LRFN2: variants seen among roughly 807,000 people sequenced by gnomAD.
The protein encoded by LRFN2 is leucine rich repeat and fibronectin type III domain containing 2.
Under a neutral mutation model 37.3 loss-of-function variants are expected in LRFN2, and 18 were observed. The ratio of observed to expected loss-of-function variants is 0.48; its 90% CI spans 0.33 to 0.72. The LOEUF (loss-of-function observed/expected upper bound fraction) is 0.72. Ranked by LOEUF, LRFN2 falls within the 30% of genes least tolerant of loss-of-function variation. LRFN2 has a pLI of 0.02. For synonymous variants in LRFN2, 556 were observed against 466.6 expected (o/e 1.19, Z -2.47); for missense variants, 1,006 against 1,060.7 (o/e 0.95, Z 0.72).
chr6:40,438,030 G>A (rs931240544), intron 1 of LRFN2, among the ~76,000 whole-genome samples: 1 of 152,244 alleles, frequency 6.6e-6, no homozygotes, highest in Non-Finnish European at 1.5e-5. Flanking sequence ...GGGATCAGAA[G>A]CGAGGCTGAA....
chr6:40,492,181 G>A (rs918363597), intron 1 of LRFN2, among the ~76,000 whole-genome samples: 2 of 152,218 alleles, frequency 1.3e-5, no homozygotes, highest in Non-Finnish European at 2.9e-5. Flanking sequence ...TGGGAGGAAC[G>A]GGGAGGATGA....
At chr6:40,525,136 C>T (rs749860006) in intron 1 of LRFN2, among the ~76,000 whole-genome samples, 32 of 152,224 alleles carry the variant, frequency 2.1e-4, no homozygotes, top group Admixed American at 1.3e-4. Context: ...AGTGTCCCCA[C>T]CTGGCCCTGG....
intron 2 of LRFN2, among the ~76,000 whole-genome samples, chr6:40,430,981 T>C: frequency 6.6e-6 from 1 of 152,012 alleles, no homozygotes; most frequent in East Asian, 1.9e-4. Context: ...AAAATAGAAC[T>C]TAGGGAAGGT....
At chr6:40,485,170 A>G (rs1764924705) in intron 1 of LRFN2, among the ~76,000 whole-genome samples, 1 of 152,192 alleles carries the variant, frequency 6.6e-6, no homozygotes, top group African/African-American at 2.4e-5. Flanking sequence ...CTATCAGCCA[A>G]GTGGGTCTGT....
At chr6:40,464,556 T>C (rs1270037502) in intron 1 of LRFN2, among the ~76,000 whole-genome samples, 7 of 152,248 alleles carry the variant, frequency 4.6e-5, no homozygotes, top group Non-Finnish European at 8.8e-5. Flanking sequence ...GATAAATCTC[T>C]GTTCCTTATA....
At chr6:40,505,763 T>A (rs1441896657) in intron 1 of LRFN2, among the ~76,000 whole-genome samples, 2 of 152,164 alleles carry the variant, frequency 1.3e-5, no homozygotes, top group Non-Finnish European at 2.9e-5. Context: ...CTCACCTATC[T>A]TCCCCCCATG....
At chr6:40,420,748 G>T (rs559068576) in intron 2 of LRFN2, among the ~76,000 whole-genome samples, 1 of 152,366 alleles carries the variant, frequency 6.6e-6, no homozygotes, top group African/African-American at 2.4e-5. Context: ...AAAGTCAGTG[G>T]GTGGGATTCT....
At chr6:40,547,605 A>G (rs1766690529) in intron 1 of LRFN2, among the ~76,000 whole-genome samples, 3 of 152,114 alleles carry the variant, frequency 2.0e-5, no homozygotes, top group African/African-American at 7.2e-5. Flanking sequence ...AGCCCCCACC[A>G]GTGGGCATCA....
In LRFN2 at chr6:40,392,384, T is replaced by G. The variant is rs1581670057; in HGVS notation, c.1929A>C (p.Pro643=). 2 of 1,587,604 alleles carry G rather than the reference T, an allele frequency of 1.3e-6. No homozygotes were observed. Among genetic ancestry groups the G allele is most frequent in the Non-Finnish European group, 1.7e-6 (2 of 1,167,476 alleles). ...AGLGRAPWRI[P]PSAPRPKPSL... The stretch of plus-strand genomic sequence containing the variant: ...TGGGCTTGGGGCGCGGGGCGGAGGG[T>G]GGGATCCTCCAGGGGGCCCGTCCCA... The change falls in exon 3 of 3, where the codon CCA becomes CCC. Residue 643 remains proline, a synonymous_variant. Transcript: ENST00000338305. The surrounding 1 kb of genome is among the most constrained non-coding windows in gnomAD (Gnocchi z 4.7).
chr6:40,505,210 A>G (rs1437562939), intron 1 of LRFN2, among the ~76,000 whole-genome samples: 1 of 152,224 alleles, frequency 6.6e-6, no homozygotes, highest in East Asian at 1.9e-4. Flanking sequence ...GGCGGGGGAC[A>G]AGGTGCTAGT....
Position 40,432,863 on chromosome 6 carries a change from G to T in LRFN2, c.251C>A (p.Ser84Tyr). 6.2e-7 allele frequency: 1 copy of T among 1,614,230 alleles called. No homozygotes were observed. Among genetic ancestry groups the T allele is most frequent in the Non-Finnish European group, 8.5e-7 (1 of 1,180,044 alleles). The change falls in exon 2 of 3, where the codon TCC (serine) becomes TAC (tyrosine). Residue 84 changes from serine to tyrosine, a missense_variant. Coordinates refer to ENST00000338305, the MANE Select transcript of LRFN2 (RefSeq NM_020737.3). ...CTGGATGTGGCTGATGGTGTTCCTG[G>T]ACAGGGTCAGGTCCACCAGCCCCGT... ...NMTGLVDLTLSRNTISHIQPF... is the reference protein window; with the variant it reads ...NMTGLVDLTLYRNTISHIQPF...
At chr6:40,495,541 A>G (rs1448440616) in intron 1 of LRFN2, among the ~76,000 whole-genome samples, 1 of 152,134 alleles carries the variant, frequency 6.6e-6, no homozygotes. Flanking sequence ...TCTCAAAGCC[A>G]AGTTTCAGTC....
At chr6:40,448,640 C>A (rs967409517) in intron 1 of LRFN2, among the ~76,000 whole-genome samples, 2 of 152,070 alleles carry the variant, frequency 1.3e-5, no homozygotes, top group Admixed American at 1.3e-4. Context: ...ACCAAAGGAC[C>A]GAATCGCTAA....
chr6:40,401,611 G>C (rs571798521), intron 2 of LRFN2, among the ~76,000 whole-genome samples: 183 of 152,310 alleles, frequency 1.2e-3, no homozygotes, highest in Non-Finnish European at 2.0e-3. Flanking sequence ...GACACCCACA[G>C]GTTAGATGAA....
rs768615448 is a variant in LRFN2 at position 40,432,367 on chromosome 6, C to A, written c.747G>T (p.Glu249Asp). ...GCTCGAGCCTCCGCAGCCAGAGAAG[C>A]TCACAATTGCAGTGAAGTGGGTTAC... ...FGGNPLHCNC[E>D]LLWLRRLERD... is the part of the protein sequence containing the mutation. The change falls in exon 2 of 3, where the codon GAG (glutamate) becomes GAT (aspartate). Residue 249 changes from glutamate to aspartate, a missense_variant. Glu to Asp is a conservative substitution (Grantham distance 45). This residue lies in a region of LRFN2 where 303 missense variants were observed against 299.8 expected (regional missense o/e 1.01). Transcript: ENST00000338305. The A allele has an allele frequency of 1.9e-6, 3 of 1,614,196 alleles. No homozygotes were observed. The South Asian group carries it at 3.3e-5, about 18-fold the overall frequency.
chr6:40,545,634 G>A (rs1766647362), intron 1 of LRFN2, among the ~76,000 whole-genome samples: 1 of 152,048 alleles, frequency 6.6e-6, no homozygotes, highest in Admixed American at 6.5e-5. Context: ...GGGGAGAGAT[G>A]AAGAGAGAGG....
intron 1 of LRFN2, among the ~76,000 whole-genome samples, chr6:40,462,211 C>T (rs9380960): frequency 0.26 from 39,961 of 152,126 alleles, 6,155 homozygotes; most frequent in Middle Eastern, 0.42. Context: ...TTGCCTTGCG[C>T]TCCCGTTCTT....
rs1243773850 is a variant in LRFN2, at chr6:40,432,812, C to T, written c.302G>A (p.Ser101Asn). 6 of 1,614,102 alleles carry T rather than the reference C, an allele frequency of 3.7e-6. No individual in the cohort carries two copies. The East Asian group carries it at 8.9e-5, about 24-fold the overall frequency. ...GCTGTCAAGATGCAGGGAGCGGAGG[C>T]TCTCGAGGTCCAGAAAGGAAAAGGG... ...IQPFSFLDLE[S>N]LRSLHLDSNR... Residue 101 changes from serine to asparagine, a missense_variant, in exon 2 of 3, where the codon AGC becomes AAC. Physicochemically the swap from Ser to Asn is conservative, Grantham distance 46 (BLOSUM62 1). Coordinates refer to ENST00000338305, the MANE Select transcript of LRFN2 (RefSeq NM_020737.3).
intron 2 of LRFN2, among the ~76,000 whole-genome samples, chr6:40,398,544 G>A (rs1762662296): frequency 3.3e-5 from 5 of 151,670 alleles, no homozygotes; most frequent in Admixed American, 3.3e-4. Flanking sequence ...GATAATAAAT[G>A]GCTCAACCAT....
Sources: allele counts gnomAD v4.1 joint callset (sites outside exome capture counted in the v4.1 genomes callset), GRCh38; gene constraint gnomAD v4.1.1; regional missense constraint gnomAD v4.1.1; non-coding constraint Gnocchi (gnomAD v3.1); transcripts MANE v1.5; gene names NCBI Gene and HGNC (gene_info 2026-07-23, HGNC 2026-07-21).